NCOA3: variants seen among roughly 807,000 people sequenced by gnomAD.
NCOA3 encodes CBP-interacting protein.
NCOA3 carries 51 observed loss-of-function variants against 158.8 expected under a neutral mutation model. The ratio of observed to expected loss-of-function variants is 0.32; its 90% confidence interval spans 0.26 to 0.41. The LOEUF (loss-of-function observed/expected upper bound fraction) is 0.41. Ranked by LOEUF, NCOA3 falls within the 10% of genes least tolerant of loss-of-function variation. The pLI, the probability that NCOA3 is intolerant of heterozygous loss-of-function variation, is 1.00. For synonymous variants in NCOA3, 537 were observed against 592.4 expected, an observed-to-expected ratio of 0.91 and a Z score of 1.36; for missense variants, 1,510 against 1,746.6, an observed-to-expected ratio of 0.86 and a Z score of 2.41.
At chr20:47,641,490 CTTTTT>C (rs71183270) in intron 16 of NCOA3, among the ~76,000 whole-genome samples, 22 of 48,366 alleles carry the variant, frequency 4.5e-4, no homozygotes, top group South Asian at 1.5e-3. Flanking sequence ...TGGCTCCCTT[CTTTTT>C]TTTTTTTTTT....
intron 1 of NCOA3, among the ~76,000 whole-genome samples, chr20:47,551,913 T>A (rs2084932612): frequency 6.6e-6 from 1 of 152,252 alleles, no homozygotes; most frequent in Non-Finnish European, 1.5e-5. Flanking sequence ...ATTGTTAGGT[T>A]TTAAAAAAAC....
chr20:47,626,908 A>C, intron 5 of NCOA3, 94 bp from the exon 6 acceptor site: 2 of 1,152,738 alleles, frequency 1.7e-6, no homozygotes, highest in East Asian at 4.8e-5. Context: ...TTCCAAATAC[A>C]GTTACACTGA....
At chr20:47,584,217 C>T (rs879652940) in intron 2 of NCOA3, among the ~76,000 whole-genome samples, 4 of 152,084 alleles carry the variant, frequency 2.6e-5, no homozygotes, top group Non-Finnish European at 5.9e-5. Context: ...ATTGCTTGAT[C>T]TCAGGAGTTT....
intron 2 of NCOA3, among the ~76,000 whole-genome samples, chr20:47,611,517 C>T (rs768138106): frequency 6.6e-5 from 10 of 152,162 alleles, no homozygotes; most frequent in East Asian, 1.9e-4. Flanking sequence ...ATCTCCTCCT[C>T]GGCCGGGCTC....
chr20:47,573,984 G>A (rs1473212896), intron 1 of NCOA3, among the ~76,000 whole-genome samples: 1 of 148,944 alleles, frequency 6.7e-6, no homozygotes, highest in African/African-American at 2.5e-5. Context: ...GGGTCAGTTT[G>A]TTTGAACTTG....
Position 47,635,592 on chromosome 20 carries a change from C to G in NCOA3, c.1383C>G (p.Leu461=), listed in dbSNP as rs373015839. The part of the protein sequence containing the change: ...PSSYQNNNYG[L]NMSSPPHGSP... ...CCTACCAGAACAACAACTATGGGCT[C>G]AACATGAGTAGCCCCCCACATGGGA... Residue 461 remains leucine, a synonymous_variant, in exon 11 of 23, where the codon CTC becomes CTG. Transcript: ENST00000371998. The G allele has an allele frequency of 7.4e-6, 12 of 1,614,060 alleles. No individual in the cohort carries two copies. Among genetic ancestry groups the G allele is most frequent in the Admixed American group, 1.7e-5 (1 of 60,004 alleles).
chr20:47,642,841 GT>G (rs1270290360), intron 17 of NCOA3, among the ~76,000 whole-genome samples: 3 of 152,092 alleles, frequency 2.0e-5, no homozygotes, highest in Non-Finnish European at 4.4e-5. Flanking sequence ...TCCTGTTCCT[GT>G]TTACATACCC....
intron 1 of NCOA3, among the ~76,000 whole-genome samples, chr20:47,511,550 T>TATATATATACACACACACACACATACAC: frequency 7.7e-5 from 4 of 52,268 alleles, no homozygotes; most frequent in Admixed American, 3.2e-4. Context: ...TATATATATA[T>TATATATATACACACACACACACATACAC]ATATATTTCT....
At chr20:47,580,495 G>C (rs886849872) in intron 1 of NCOA3, among the ~76,000 whole-genome samples, 1 of 152,038 alleles carries the variant, frequency 6.6e-6, no homozygotes, top group African/African-American at 2.4e-5. Context: ...GGCAGAGGTT[G>C]CAATGAGCCG....
chr20:47,648,165 A>G (rs1465703401), intron 18 of NCOA3, among the ~76,000 whole-genome samples: 1 of 151,980 alleles, frequency 6.6e-6, no homozygotes, highest in Non-Finnish European at 1.5e-5. Context: ...TTGACCTTCC[A>G]AAGTGCTGGG....
At chr20:47,569,174 C>T (rs957889214) in intron 1 of NCOA3, among the ~76,000 whole-genome samples, 1 of 151,942 alleles carries the variant, frequency 6.6e-6, no homozygotes, top group African/African-American at 2.4e-5. Flanking sequence ...AGCAAGACCC[C>T]ATCTCTATAA....
At chr20:47,550,509 CAG>C (rs1388915125) in intron 1 of NCOA3, among the ~76,000 whole-genome samples, 1 of 150,428 alleles carries the variant, frequency 6.6e-6, no homozygotes, top group Non-Finnish European at 1.5e-5. Context: ...ATACTGGTGT[CAG>C]AGTTTAACAA....
At chr20:47,572,599 C>T (rs757570682) in intron 1 of NCOA3, among the ~76,000 whole-genome samples, 52 of 151,712 alleles carry the variant, frequency 3.4e-4, no homozygotes, top group Admixed American at 1.6e-3. Flanking sequence ...TGCAGTGGAA[C>T]AATCTCAGCT....
chr20:47,531,420 CAG>C (rs2146107007), intron 1 of NCOA3, among the ~76,000 whole-genome samples: 1 of 152,254 alleles, frequency 6.6e-6, no homozygotes, highest in African/African-American at 2.4e-5. Context: ...TGCACTTTTG[CAG>C]AGAGGAATTT....
chr20:47,512,295 AC>A (rs2084156781), intron 1 of NCOA3, among the ~76,000 whole-genome samples: 3 of 152,050 alleles, frequency 2.0e-5, no homozygotes, highest in Admixed American at 2.0e-4. Context: ...AAGAGACTGG[AC>A]CCCGTAGCTC....
chr20:47,580,290 C>T (rs1311756840), intron 1 of NCOA3, among the ~76,000 whole-genome samples: 2 of 151,980 alleles, frequency 1.3e-5, no homozygotes, highest in Non-Finnish European at 2.9e-5. Flanking sequence ...CCTGGCCGGG[C>T]ACGGTGGCTC....
intron 2 of NCOA3, among the ~76,000 whole-genome samples, chr20:47,613,949 C>T (rs1477688522): frequency 6.6e-6 from 1 of 151,954 alleles, no homozygotes; most frequent in East Asian, 1.9e-4. Context: ...TCTTTCCCCT[C>T]CTACTTATCT....
chr20:47,632,744 A>G (rs1272409616), intron 8 of NCOA3, among the ~76,000 whole-genome samples: 1 of 148,632 alleles, frequency 6.7e-6, no homozygotes, highest in South Asian at 2.1e-4. Flanking sequence ...GTGCGGTGGC[A>G]TGATCTCGGC....
chr20:47,544,309 A>T, intron 1 of NCOA3, among the ~76,000 whole-genome samples: 1 of 132,082 alleles, frequency 7.6e-6, no homozygotes, highest in Admixed American at 7.7e-5. Context: ...TCTTTTATTT[A>T]ATACTACTTT....
Sources: gnomAD v4.1 joint callset for allele counts (sites outside exome capture counted in the v4.1 genomes callset) on GRCh38, gnomAD v4.1.1 for gene constraint, MANE v1.5 for transcripts, NCBI Gene and HGNC (gene_info 2026-07-23, HGNC 2026-07-21) for gene names.